The following AGO2 variants were observed in gnomAD, a reference collection of about 807,000 sequenced individuals.
AGO2 encodes protein argonaute-2.
Under a neutral mutation model 102.3 loss-of-function variants are expected in AGO2, and 5 were observed. The observed-to-expected ratio is 0.05, with a 90% CI of 0.03 to 0.10. The LOEUF (loss-of-function observed/expected upper bound fraction) is 0.10, where lower values mean the gene tolerates loss of function less well. AGO2 is among the 10% of genes least tolerant of loss of function. The probability of loss-of-function intolerance (pLI) is 1.00; values close to 1 mark genes in which losing one functional copy is unlikely to be tolerated. For synonymous variants in AGO2, 449 were observed against 473.1 expected (o/e 0.95, Z 0.66); for missense variants, 541 against 1,183.7 (o/e 0.46, Z 7.97).
At chr8:140,606,304 C>T (rs912321302) in intron 1 of AGO2, among the ~76,000 whole-genome samples, 2 of 152,214 alleles carry the variant, frequency 1.3e-5, no homozygotes, top group Non-Finnish European at 2.9e-5. Flanking sequence ...GGAGGCCCCA[C>T]CTACTGCGAG....
intron 1 of AGO2, among the ~76,000 whole-genome samples, chr8:140,628,581 G>T (rs549923665): frequency 2.6e-5 from 4 of 152,130 alleles, no homozygotes; most frequent in South Asian, 4.2e-4. Flanking sequence ...AAGGCAGGAG[G>T]ATTACTTGAG....
chr8:140,552,000 C>T (rs1300416567), intron 10 of AGO2, among the ~76,000 whole-genome samples: 6 of 152,120 alleles, frequency 3.9e-5, no homozygotes, highest in African/African-American at 1.4e-4. Context: ...AAGTAATGAA[C>T]AGACAGATGG....
chr8:140,601,204 C>A (rs2073927911), intron 1 of AGO2, among the ~76,000 whole-genome samples: 1 of 152,234 alleles, frequency 6.6e-6, no homozygotes, highest in East Asian at 1.9e-4. Flanking sequence ...ACCCAATGCG[C>A]TCCTGCCCCA....
intron 3 of AGO2, among the ~76,000 whole-genome samples, chr8:140,569,905 C>A (rs2073350415): frequency 6.6e-6 from 1 of 152,190 alleles, no homozygotes. Context: ...TGGACCAGAG[C>A]CGCCAGAGTC....
chr8:140,593,552 A>T (rs1345679527), intron 1 of AGO2, among the ~76,000 whole-genome samples: 2 of 5,992 alleles, frequency 3.3e-4, no homozygotes, highest in Admixed American at 2.9e-3. Context: ...AGGAAAGTTA[A>T]AAAAAAAAAA....
intron 1 of AGO2, among the ~76,000 whole-genome samples, chr8:140,597,883 C>T (rs570975461): frequency 2.2e-4 from 34 of 152,322 alleles, no homozygotes; most frequent in Middle Eastern, 3.4e-3. Flanking sequence ...CACTCATCAC[C>T]GGGCTGTTGC....
rs1272570873 is a variant in AGO2, at chr8:140,589,746, A to C, written c.23-4435T>G. 6.6e-6 allele frequency among the ~76,000 whole-genome samples: 1 copy of C among 152,160 alleles called. No individual in the cohort carries two copies. The highest frequency in any genetic ancestry group is 1.5e-5 in the Non-Finnish European group (1 of 68,012). On this transcript the variant is annotated intron_variant, in intron 1 of 18. Coordinates refer to ENST00000220592, the MANE Select transcript of AGO2 (RefSeq NM_012154.5). The surrounding 1 kb of genome is among the most constrained non-coding windows in gnomAD (Gnocchi z 4.2). ...GATATGGTCTCTGTGATGCCAGGAC[A>C]GGATGCCCTGGCCAGGCAATGGCAC...
At position 140,594,825 on chromosome 8, in the gene AGO2, C is replaced by CTGTGTGTGTGTGTGTGTGTGTG. The variant is rs56012516; in HGVS notation, c.23-9536_23-9515dup. On this transcript the variant is annotated intron_variant, in intron 1 of 18. Transcript: ENST00000220592. ...ACCCGTCTCGACGGAAAGAAAAAAA[C>CTGTGTGTGTGTGTGTGTGTGTG]TGTGTGTGTGTGTGTGTGTGTGTGT... Among the ~76,000 whole-genome samples, 793 of 146,088 alleles carry CTGTGTGTGTGTGTGTGTGTGTG rather than the reference C, an allele frequency of 5.4e-3. 6 individuals carry two copies. Among genetic ancestry groups the CTGTGTGTGTGTGTGTGTGTGTG allele is most frequent in the African/African-American group, 0.01 (406 of 39,294 alleles).
chr8:140,545,362 G>A (rs1388674696), intron 13 of AGO2, among the ~76,000 whole-genome samples: 2 of 152,136 alleles, frequency 1.3e-5, no homozygotes, highest in African/African-American at 4.8e-5. Context: ...CCCGCTGCAG[G>A]ACACACTTCC....
chr8:140,533,273 C>G (rs6990110), intron 17 of AGO2, among the ~76,000 whole-genome samples: 1,664 of 151,218 alleles, frequency 0.011, 35 homozygotes, highest in African/African-American at 0.038. Flanking sequence ...TCTGTAGTCC[C>G]AGCTACTTGG....
At chr8:140,571,554 G>C (rs957814275) in intron 3 of AGO2, among the ~76,000 whole-genome samples, 7 of 152,162 alleles carry the variant, frequency 4.6e-5, no homozygotes, top group Non-Finnish European at 7.3e-5. Context: ...CAGGCCACTT[G>C]CTCTCCCACT....
intron 2 of AGO2, among the ~76,000 whole-genome samples, chr8:140,577,698 G>C (rs567620007): frequency 1.3e-5 from 2 of 152,258 alleles, no homozygotes; most frequent in East Asian, 3.9e-4. Context: ...GATGGGGGTG[G>C]CAGGAGACAG....
intron 17 of AGO2, among the ~76,000 whole-genome samples, chr8:140,534,603 T>C (rs1319883808): frequency 6.6e-6 from 1 of 152,264 alleles, no homozygotes; most frequent in Non-Finnish European, 1.5e-5. Flanking sequence ...CCCCCATTCC[T>C]TCTCTGTCAG....
At chr8:140,612,998 C>G (rs570033761) in intron 1 of AGO2, among the ~76,000 whole-genome samples, 1 of 151,986 alleles carries the variant, frequency 6.6e-6, no homozygotes, top group African/African-American at 2.4e-5. Flanking sequence ...AGGAGATCGA[C>G]ACCATCCTGG....
At position 140,598,567 on chromosome 8, in the gene AGO2, C is replaced by T. The variant is rs563548566; in HGVS notation, c.23-13256G>A. On this transcript the variant is annotated intron_variant, in intron 1 of 18. Transcript: ENST00000220592. ...ATCACCGGTCCACTCTGCGCGGCAG[C>T]ACCGCACCCCGGAGCCGCAGCTCTT... 2.1e-3 allele frequency among the ~76,000 whole-genome samples: 319 copies of T among 152,364 alleles called. 3 individuals carry two copies. The highest frequency in any genetic ancestry group is 7.2e-3 in the African/African-American group (301 of 41,578).
rs1463018657 is a variant in AGO2, at chr8:140,597,476, C to G, written c.23-12165G>C. On this transcript the variant is annotated intron_variant, in intron 1 of 18. Coordinates refer to ENST00000220592, the MANE Select transcript of AGO2 (RefSeq NM_012154.5). ...GATGGGGGCTGGGTGGCCCCCCCAC[C>G]CCCCCCCCCCCGCCCCAGGCCTCCC... is the stretch of plus-strand genomic sequence containing the variant. 1.8e-4 allele frequency among the ~76,000 whole-genome samples: 24 copies of G among 136,210 alleles called. 2 individuals are homozygous for G. Among genetic ancestry groups the G allele is most frequent in the African/African-American group, 6.5e-4 (23 of 35,432 alleles). The allele number at this position is 136,210 out of a possible 152,430, so 89.4% of individuals were successfully genotyped here. A position where few individuals can be genotyped will look rare whatever the true frequency, so the allele number is the denominator to read the frequency against.
chr8:140,562,048 C>T (rs758913000), intron 4 of AGO2, among the ~76,000 whole-genome samples: 6 of 152,162 alleles, frequency 3.9e-5, no homozygotes, highest in Non-Finnish European at 5.9e-5. Flanking sequence ...AAGGACGTCC[C>T]CAACAGTCAC....
At chr8:140,588,686 T>C (rs1017561805) in intron 1 of AGO2, among the ~76,000 whole-genome samples, 12 of 151,966 alleles carry the variant, frequency 7.9e-5, no homozygotes, top group African/African-American at 2.7e-4. Context: ...GAAAAAAGCA[T>C]ACATTCTTTG....
chr8:140,595,079 C>T (rs73362375), intron 1 of AGO2, among the ~76,000 whole-genome samples: 2 of 152,064 alleles, frequency 1.3e-5, no homozygotes, highest in African/African-American at 4.8e-5. Context: ...AAATTACAAG[C>T]CTTTTGATCT....
Sources: gnomAD v4.1 joint callset for allele counts (sites outside exome capture counted in the v4.1 genomes callset) on GRCh38, gnomAD v4.1.1 for gene constraint, Gnocchi (gnomAD v3.1) non-coding constraint, MANE v1.5 for transcripts, NCBI Gene and HGNC (gene_info 2026-07-23, HGNC 2026-07-21) for gene names.